The following CACNA1E variants were observed in gnomAD, a reference collection of about 807,000 sequenced individuals.
CACNA1E encodes calcium voltage-gated channel subunit alpha1 E, also known as voltage-dependent R-type calcium channel subunit alpha-1E.
CACNA1E carries 40 observed loss-of-function variants against 259.2 expected under a neutral mutation model. The observed-to-expected ratio is 0.15, with a 90% CI of 0.12 to 0.20. The LOEUF (loss-of-function observed/expected upper bound fraction) is 0.20, where lower values mean the gene tolerates loss of function less well. CACNA1E is among the 10% of genes least tolerant of loss of function. The probability of loss-of-function intolerance (pLI) is 1.00; values close to 1 mark genes in which losing one functional copy is unlikely to be tolerated. For missense variants in CACNA1E, 1,874 were observed against 3,040.1 expected (o/e 0.62, Z 9.02); for synonymous variants, 1,104 against 1,138.5 (o/e 0.97, Z 0.61).
At chr1:181,749,107 G>A (rs1657363937) in intron 25 of CACNA1E, among the ~76,000 whole-genome samples, 2 of 152,184 alleles carry the variant, frequency 1.3e-5, no homozygotes, top group Admixed American at 1.3e-4. Flanking sequence ...TTGAATATGG[G>A]ATCATTTGTT....
chr1:181,455,012 T>G (rs760834512), intron 2 of CACNA1E, among the ~76,000 whole-genome samples: 38 of 152,234 alleles, frequency 2.5e-4, no homozygotes, highest in Non-Finnish European at 2.8e-4. Context: ...ATCAGTTTTC[T>G]GTGAAATGAG....
Position 181,506,919 on chromosome 1 carries a change from T to A in CACNA1E, c.267-3558T>A, listed in dbSNP as rs575695896. Among the ~76,000 whole-genome samples the A allele has an allele frequency of 2.6e-5, 4 of 152,096 alleles. 1 individual carries two copies. The East Asian group carries it at 7.7e-4, about 29-fold the overall frequency. ...TCACCTAGCCCACAGTTACACAGAA[T>A]CTCCACATTCTCACTGCAGGTTCTT... On this transcript the variant is annotated intron_variant, in intron 1 of 47. Coordinates refer to ENST00000367573, the MANE Select transcript of CACNA1E (RefSeq NM_001205293.3).
chr1:181,426,535 C>T (rs976773060), intron 2 of CACNA1E, among the ~76,000 whole-genome samples: 6 of 150,892 alleles, frequency 4.0e-5, no homozygotes, highest in Non-Finnish European at 3.0e-5. Context: ...ACAACTCAAC[C>T]CCTTAACAAC....
rs1222885684 is a variant in CACNA1E, at chr1:181,799,600, C to T, written c.*766C>T. The T allele has an allele frequency of 2.0e-5, 3 of 152,640 alleles. No homozygotes were observed. The East Asian group carries it at 5.8e-4, about 29-fold the overall frequency. 9.5% of individuals were successfully genotyped at this position (152,640 alleles called of 1,614,324 possible). A position where few individuals can be genotyped will look rare whatever the true frequency, so the allele number is the denominator to read the frequency against. On this transcript the variant is annotated 3_prime_UTR_variant, in exon 48 of 48. Transcript: ENST00000367573. ...GTAGGTGCTGAGAGTTAGGACAGGT[C>T]AGGAAGTCCCCCAGGGTCCACAAAG...
chr1:181,785,504 C>G (rs990830104), intron 42 of CACNA1E, 86 bp downstream of exon 42: 2 of 1,006,340 alleles, frequency 2.0e-6, no homozygotes, highest in African/African-American at 3.2e-5. Context: ...GGGCATAGTG[C>G]CCGGCAAGGA....
chr1:181,686,467 G>A (rs1054279067), intron 7 of CACNA1E, among the ~76,000 whole-genome samples: 1 of 151,734 alleles, frequency 6.6e-6, no homozygotes, highest in African/African-American at 2.4e-5. Flanking sequence ...TGTGTTTTTA[G>A]TAGAGATGGG....
chr1:181,548,461 A>G (rs1647766510), intron 3 of CACNA1E, among the ~76,000 whole-genome samples: 1 of 152,098 alleles, frequency 6.6e-6, no homozygotes, highest in Non-Finnish European at 1.5e-5. Flanking sequence ...ATTGTTGCTC[A>G]TGTCATATGG....
chr1:181,789,326 G>A (rs908077155), intron 43 of CACNA1E, among the ~76,000 whole-genome samples: 1 of 152,182 alleles, frequency 6.6e-6, no homozygotes, highest in Admixed American at 6.5e-5. Flanking sequence ...TTGGAAGCAA[G>A]GGGACAGATT....
At chr1:181,792,281 T>C (rs1301122097) in intron 44 of CACNA1E, among the ~76,000 whole-genome samples, 1 of 152,242 alleles carries the variant, frequency 6.6e-6, no homozygotes, top group Non-Finnish European at 1.5e-5. Context: ...CCAGGACTTT[T>C]TGGATATGTG....
intron 7 of CACNA1E, among the ~76,000 whole-genome samples, chr1:181,670,966 G>A (rs1648731603): frequency 1.3e-5 from 2 of 152,160 alleles, no homozygotes; most frequent in South Asian, 4.2e-4. Flanking sequence ...AAAGTAAAAG[G>A]TGGTAAGGGG....
Position 181,757,111 on chromosome 1 carries a change from C to G in CACNA1E, c.4314C>G (p.Ser1438Arg). The G allele has an allele frequency of 5.6e-6, 9 of 1,613,060 alleles. No individual in the cohort carries two copies. Among genetic ancestry groups the G allele is most frequent in the East Asian group, 4.5e-5 (2 of 44,888 alleles). Residue 1438 changes from serine (S) to arginine (R), a missense_variant, in exon 30 of 48, where the codon AGC (serine) becomes AGG (arginine). Ser to Arg is a moderately radical substitution (Grantham distance 110, BLOSUM62 -1). This residue lies in a region of CACNA1E where 188 missense variants were observed against 540.6 expected (regional missense o/e 0.35). Transcript: ENST00000367573. Reference sequence around the variant, plus strand: ...GGGATAAGATGATGGAGGAGTGCAGCCTGGAGAAGAATGAGGTAATGACAA... The same window carrying G: ...GGGATAAGATGATGGAGGAGTGCAGGCTGGAGAAGAATGAGGTAATGACAA... ...EQGDKMMEEC[S>R]LEKNERACID...
intron 6 of CACNA1E, among the ~76,000 whole-genome samples, chr1:181,590,414 A>ATATATATATATATATATATATAT (rs1206091612): frequency 8.0e-5 from 10 of 125,704 alleles, no homozygotes; most frequent in African/African-American, 2.8e-4. Flanking sequence ...AAAAAAAAAA[A>ATATATATATATATATATATATAT]AAATATATAT....
intron 3 of CACNA1E, among the ~76,000 whole-genome samples, chr1:181,554,707 C>T (rs975510003): frequency 7.9e-5 from 12 of 152,176 alleles, no homozygotes; most frequent in East Asian, 1.9e-4. Context: ...TACTGACGTA[C>T]GGCTGAATTC....
intron 1 of CACNA1E, among the ~76,000 whole-genome samples, chr1:181,401,543 TA>T (rs911389748): frequency 1.7e-4 from 26 of 152,278 alleles, no homozygotes; most frequent in Non-Finnish European, 3.2e-4. Context: ...CAGTTCACTT[TA>T]AAAAAAGCTT....
At chr1:181,701,686 A>C (rs1218528839) in intron 7 of CACNA1E, among the ~76,000 whole-genome samples, 1 of 152,216 alleles carries the variant, frequency 6.6e-6, no homozygotes, top group African/African-American at 2.4e-5. Context: ...CAGAGATGAA[A>C]GTGTGGTCCC....
intron 38 of CACNA1E, 45 bp from the exon 39 acceptor site, chr1:181,781,382 C>A: frequency 2.2e-6 from 2 of 903,706 alleles, no homozygotes; most frequent in East Asian, 5.2e-5. Context: ...CACCCCACTG[C>A]CCCGCTAACC....
intron 27 of CACNA1E, 111 bp downstream of exon 27, chr1:181,752,350 C>T (rs1657670562): frequency 6.4e-6 from 5 of 780,360 alleles, no homozygotes; most frequent in South Asian, 6.3e-5. Flanking sequence ...CTTTTTCTCA[C>T]ACGGATATCG....
At chr1:181,679,240 TACA>T (rs1434306714) in intron 7 of CACNA1E, among the ~76,000 whole-genome samples, 2 of 152,334 alleles carry the variant, frequency 1.3e-5, no homozygotes, top group South Asian at 4.1e-4. Flanking sequence ...ATCTCTTCCT[TACA>T]ACAATTCAGT....
chr1:181,374,007 T>A (rs1006647187), intron 1 of CACNA1E, among the ~76,000 whole-genome samples: 7 of 152,238 alleles, frequency 4.6e-5, no homozygotes, highest in African/African-American at 1.7e-4. Context: ...TTTCATTCAG[T>A]TCAGCTCTGA....
Sources: gnomAD v4.1 joint callset for allele counts (sites outside exome capture counted in the v4.1 genomes callset) on GRCh38, gnomAD v4.1.1 for gene constraint, gnomAD v4.1.1 regional missense constraint, MANE v1.5 for transcripts, NCBI Gene and HGNC (gene_info 2026-07-23, HGNC 2026-07-21) for gene names.